Variants in THSD7B observed in about 807,000 individuals in gnomAD.
The protein encoded by THSD7B is thrombospondin type-1 domain-containing protein 7B.
Under a neutral mutation model 213.6 loss-of-function variants are expected in THSD7B, and 138 were observed. The ratio of observed to expected loss-of-function variants is 0.65; its 90% CI spans 0.56 to 0.74. THSD7B has a LOEUF of 0.74. Ranked by LOEUF, THSD7B falls within the 30% of genes least tolerant of loss-of-function variation. The probability of loss-of-function intolerance (pLI) is 0.00; values close to 1 mark genes in which losing one functional copy is unlikely to be tolerated. For missense variants in THSD7B, 1,931 were observed against 1,991.5 expected (o/e 0.97, Z 0.58); for synonymous variants, 742 against 687.0 (o/e 1.08, Z -1.25).
chr2:137,048,841 G>A (rs1303655963), intron 2 of THSD7B, among the ~76,000 whole-genome samples: 1 of 152,170 alleles, frequency 6.6e-6, no homozygotes, highest in Non-Finnish European at 1.5e-5. Flanking sequence ...TGCTTTCTGT[G>A]TAGTATAAAG....
At chr2:137,462,720 C>G (rs2105081783) in intron 15 of THSD7B, among the ~76,000 whole-genome samples, 1 of 151,662 alleles carries the variant, frequency 6.6e-6, no homozygotes, top group Non-Finnish European at 1.5e-5. Flanking sequence ...TTTAGGTTGA[C>G]AAGATTGGCT....
At chr2:137,647,098 C>T (rs899257455) in intron 21 of THSD7B, among the ~76,000 whole-genome samples, 4 of 152,156 alleles carry the variant, frequency 2.6e-5, no homozygotes, top group African/African-American at 9.7e-5. Flanking sequence ...ATGTCTGATG[C>T]CCAGCTGACC....
At chr2:137,407,178 C>T in intron 13 of THSD7B, among the ~76,000 whole-genome samples, 1 of 152,002 alleles carries the variant, frequency 6.6e-6, no homozygotes, top group East Asian at 1.9e-4. Context: ...ATTTTACAAC[C>T]AGTACCATTT....
In THSD7B at chr2:137,059,841, T is replaced by A. The variant is rs1460287889; in HGVS notation, c.950+2611T>A. On this transcript the variant is annotated intron_variant, in intron 3 of 27. Coordinates refer to ENST00000409968, the MANE Select transcript of THSD7B (RefSeq NM_001316349.2). The stretch of plus-strand genomic sequence containing the variant: ...AATAAAGCTGCTATAAAAGTTTATG[T>A]GTGTAATTTTTTGTGAACATAGGTT... 3.3e-5 allele frequency among the ~76,000 whole-genome samples: 5 copies of A among 152,296 alleles called. No individual in the cohort carries two copies. The South Asian group carries it at 6.2e-4, about 19-fold the overall frequency.
chr2:137,407,629 A>T (rs1686557729), intron 13 of THSD7B, among the ~76,000 whole-genome samples: 1 of 152,148 alleles, frequency 6.6e-6, no homozygotes, highest in Non-Finnish European at 1.5e-5. Flanking sequence ...TGCTGCTGAA[A>T]GTCTTGTACT....
intron 2 of THSD7B, among the ~76,000 whole-genome samples, chr2:137,012,742 C>T (rs919909019): frequency 6.6e-6 from 1 of 152,256 alleles, no homozygotes; most frequent in African/African-American, 2.4e-5. Flanking sequence ...CCAGTGTGTT[C>T]ACTCCACTTC....
chr2:137,559,065 G>A (rs1357150689), intron 15 of THSD7B, among the ~76,000 whole-genome samples: 2 of 152,140 alleles, frequency 1.3e-5, no homozygotes, highest in South Asian at 4.1e-4. Flanking sequence ...AAATGAAAGA[G>A]GACACAAACA....
chr2:137,109,514 C>A (rs549206819), intron 4 of THSD7B, among the ~76,000 whole-genome samples: 1 of 152,224 alleles, frequency 6.6e-6, no homozygotes, highest in South Asian at 2.1e-4. Flanking sequence ...TCAGTAGGAG[C>A]GCTGAGCTTG....
At chr2:136,990,906 A>G in intron 2 of THSD7B, 1 of 1,349,640 alleles carries the variant, frequency 7.4e-7, no homozygotes, top group Non-Finnish European at 9.9e-7. Flanking sequence ...ATAACACAGC[A>G]GATGAGGTGG....
Position 136,886,514 on chromosome 2 carries a change from G to A in THSD7B, c.139+4197G>A, listed in dbSNP as rs146243542. On this transcript the variant is annotated intron_variant, in intron 2 of 27. Coordinates refer to ENST00000409968, the MANE Select transcript of THSD7B (RefSeq NM_001316349.2). Reference sequence around the variant, plus strand: ...TGATTTTGCCGTGCTGGGGACATTTGGCAATGCCTGGAGACATTTCTGGTT... The same window carrying A: ...TGATTTTGCCGTGCTGGGGACATTTAGCAATGCCTGGAGACATTTCTGGTT... 1.7e-3 allele frequency among the ~76,000 whole-genome samples: 255 copies of A among 152,238 alleles called. 1 individual carries two copies. Among genetic ancestry groups the A allele is most frequent in the African/African-American group, 5.8e-3 (243 of 41,550 alleles).
At chr2:137,464,056 G>A (rs897253037) in intron 15 of THSD7B, among the ~76,000 whole-genome samples, 3 of 152,040 alleles carry the variant, frequency 2.0e-5, no homozygotes, top group Non-Finnish European at 2.9e-5. Context: ...TTAGACCATA[G>A]GAATATAGAT....
At chr2:137,227,498 G>T (rs966790610) in intron 7 of THSD7B, among the ~76,000 whole-genome samples, 1 of 152,108 alleles carries the variant, frequency 6.6e-6, no homozygotes, top group Admixed American at 6.5e-5. Flanking sequence ...ACTATGTAGG[G>T]CTTTATTTTC....
At chr2:137,411,478 A>G (rs2105012463) in intron 13 of THSD7B, 131 bp from the exon 14 acceptor site, 1 of 853,458 alleles carries the variant, frequency 1.2e-6, no homozygotes, top group Non-Finnish European at 1.7e-6. Flanking sequence ...TACTTTCATG[A>G]CAAAAGAGTG....
intron 20 of THSD7B, among the ~76,000 whole-genome samples, chr2:137,629,425 G>A (rs1394521963): frequency 6.6e-6 from 1 of 152,002 alleles, no homozygotes; most frequent in Non-Finnish European, 1.5e-5. Flanking sequence ...AGTATTAAAA[G>A]ATCACTTAAA....
At chr2:136,785,277 G>T (rs35702515) in intron 1 of THSD7B, among the ~76,000 whole-genome samples, 18,206 of 152,160 alleles carry the variant, frequency 0.12, 1,659 homozygotes, top group Non-Finnish European at 0.2. Flanking sequence ...TCTGCTGCTT[G>T]CTCTGTCAAA....
intron 12 of THSD7B, among the ~76,000 whole-genome samples, chr2:137,286,079 G>A (rs1294553294): frequency 6.7e-6 from 1 of 150,336 alleles, no homozygotes; most frequent in Non-Finnish European, 1.5e-5. Flanking sequence ...ACACCAGCCT[G>A]GTGAGAGAGA....
At chr2:137,299,582 G>C (rs575116206) in intron 12 of THSD7B, among the ~76,000 whole-genome samples, 1 of 152,000 alleles carries the variant, frequency 6.6e-6, no homozygotes, top group Non-Finnish European at 1.5e-5. Context: ...AATCTCAGAG[G>C]GTGAGGCTAC....
At chr2:136,772,304 G>C (rs1020167868) in intron 1 of THSD7B, among the ~76,000 whole-genome samples, 1 of 152,110 alleles carries the variant, frequency 6.6e-6, no homozygotes, top group Non-Finnish European at 1.5e-5. Flanking sequence ...TGACTGACAG[G>C]AAGAATATTG....
chr2:137,385,118 C>T (rs1685861837), intron 12 of THSD7B, among the ~76,000 whole-genome samples: 1 of 152,108 alleles, frequency 6.6e-6, no homozygotes, highest in African/African-American at 2.4e-5. Flanking sequence ...CCACAGACAC[C>T]CAGGTGCCAT....
Sources: allele counts gnomAD v4.1 joint callset (sites outside exome capture counted in the v4.1 genomes callset), GRCh38; gene constraint gnomAD v4.1.1; transcripts MANE v1.5; gene names NCBI Gene and HGNC (gene_info 2026-07-23, HGNC 2026-07-21).